OXR1: variants seen among roughly 807,000 people sequenced by gnomAD.
OXR1 encodes oxidation resistance 1, also known as oxidation resistance protein 1.
OXR1 carries 41 observed loss-of-function variants against 104.6 expected under a neutral mutation model. The observed-to-expected ratio is 0.39, with a 90% CI of 0.31 to 0.51. OXR1 has a LOEUF of 0.51. OXR1 is among the 20% of genes least tolerant of loss of function. OXR1 has a pLI of 0.77. For missense variants in OXR1, 955 were observed against 1,031.9 expected, an observed-to-expected ratio of 0.93 and a Z score of 1.02; for synonymous variants, 348 against 348.4, an observed-to-expected ratio of 1.00 and a Z score of 0.01.
intron 1 of OXR1, among the ~76,000 whole-genome samples, chr8:106,318,530 C>G (rs1311467592): frequency 6.6e-6 from 1 of 152,212 alleles, no homozygotes; most frequent in African/African-American, 2.4e-5. Flanking sequence ...TCTGCCTTGC[C>G]TCAAATGTTA....
At chr8:106,590,890 C>T (rs1819028470) in intron 3 of OXR1, among the ~76,000 whole-genome samples, 1 of 152,076 alleles carries the variant, frequency 6.6e-6, no homozygotes, top group South Asian at 2.1e-4. Flanking sequence ...CCAGGTGTGC[C>T]CATCTCCTTG....
At chr8:106,297,741 T>G (rs567679702) in intron 1 of OXR1, among the ~76,000 whole-genome samples, 1 of 152,354 alleles carries the variant, frequency 6.6e-6, no homozygotes, top group South Asian at 2.1e-4. Flanking sequence ...AAATAGTTTC[T>G]TATTTCTACC....
chr8:106,331,845 C>T (rs1260276901), intron 1 of OXR1, among the ~76,000 whole-genome samples: 4 of 151,544 alleles, frequency 2.6e-5, no homozygotes, highest in Non-Finnish European at 4.4e-5. Flanking sequence ...GAGGCTGAGG[C>T]GTGAGAATGA....
intron 2 of OXR1, among the ~76,000 whole-genome samples, chr8:106,437,893 A>G (rs984421726): frequency 1.3e-5 from 2 of 152,120 alleles, no homozygotes; most frequent in Non-Finnish European, 2.9e-5. Context: ...CCTAAAATGC[A>G]TTGTCTAATA....
At chr8:106,617,034 A>G (rs1044819056) in intron 3 of OXR1, among the ~76,000 whole-genome samples, 4 of 152,168 alleles carry the variant, frequency 2.6e-5, no homozygotes, top group Admixed American at 6.5e-5. Context: ...TTCCACCACA[A>G]TCCTCTCCAG....
chr8:106,658,322 G>GCCACCCCGGCCAC, intron 3 of OXR1: 1 of 1,063,526 alleles, frequency 9.4e-7, no homozygotes, highest in Non-Finnish European at 1.2e-6. Context: ...CAACGTGGCC[G>GCCACCCCGGCCAC]GGGTGGCGGC....
chr8:106,688,030 G>A (rs1450699610), intron 6 of OXR1, among the ~76,000 whole-genome samples: 1 of 152,042 alleles, frequency 6.6e-6, no homozygotes, highest in Non-Finnish European at 1.5e-5. Context: ...CTACCATTTC[G>A]CACTATCATC....
chr8:106,380,489 A>G (rs1004693178), intron 2 of OXR1, among the ~76,000 whole-genome samples: 1 of 152,214 alleles, frequency 6.6e-6, no homozygotes, highest in Non-Finnish European at 1.5e-5. Context: ...ATACTTAGAA[A>G]TAGAATGATT....
chr8:106,751,018 C>A lies in OXR1; in HGVS notation c.*77C>A. On this transcript the variant is annotated 3_prime_UTR_variant, in exon 17 of 17. Transcript: ENST00000517566. ...AGCATTGTTTGGAAAGTTCAAGAAG[C>A]AATACAGTGTAACATGTCACTTGTG... is the stretch of plus-strand genomic sequence containing the variant. 1.9e-6 allele frequency: 2 copies of A among 1,061,316 alleles called. No homozygotes were observed. The highest frequency in any genetic ancestry group is 1.4e-6 in the Non-Finnish European group (1 of 723,430). 65.7% of individuals were successfully genotyped at this position (1,061,316 alleles called of 1,614,324 possible).
intron 3 of OXR1, among the ~76,000 whole-genome samples, chr8:106,600,731 A>G (rs545352243): frequency 2.6e-5 from 4 of 152,074 alleles, no homozygotes; most frequent in Non-Finnish European, 4.4e-5. Context: ...TTTTTCTTAT[A>G]TTATTCCAGG....
chr8:106,335,063 C>T (rs1248288701), intron 1 of OXR1, among the ~76,000 whole-genome samples: 2 of 151,988 alleles, frequency 1.3e-5, no homozygotes, highest in Non-Finnish European at 2.9e-5. Flanking sequence ...CACATCCTTA[C>T]TCCTTTAACC....
At chr8:106,385,992 C>T (rs1008911606) in intron 2 of OXR1, among the ~76,000 whole-genome samples, 1 of 152,102 alleles carries the variant, frequency 6.6e-6, no homozygotes, top group Non-Finnish European at 1.5e-5. Context: ...AAATGAGGTA[C>T]GGGCATGGCA....
At chr8:106,483,697 A>C (rs914705624) in intron 2 of OXR1, among the ~76,000 whole-genome samples, 1 of 152,102 alleles carries the variant, frequency 6.6e-6, no homozygotes, top group African/African-American at 2.4e-5. Context: ...GTCTTATGGT[A>C]ATTTGATTAT....
At chr8:106,406,188 C>G (rs1818229640) in intron 2 of OXR1, among the ~76,000 whole-genome samples, 1 of 152,136 alleles carries the variant, frequency 6.6e-6, no homozygotes, top group African/African-American at 2.4e-5. Flanking sequence ...ACCTGGAGCA[C>G]AGTCTGTACT....
intron 8 of OXR1, among the ~76,000 whole-genome samples, chr8:106,704,396 T>C (rs201590761): frequency 3.0e-4 from 8 of 26,884 alleles, no homozygotes; most frequent in Middle Eastern, 0.024. Flanking sequence ...TCTTCTTCTT[T>C]TTTTTTTTTT....
At chr8:106,672,255 A>G (rs912982376) in intron 3 of OXR1, among the ~76,000 whole-genome samples, 13 of 151,198 alleles carry the variant, frequency 8.6e-5, no homozygotes, top group Admixed American at 6.6e-4. Context: ...AAGTGAGTGG[A>G]TCGCTTGAGG....
chr8:106,369,598 T>G (rs184457580), intron 2 of OXR1, among the ~76,000 whole-genome samples: 1 of 152,336 alleles, frequency 6.6e-6, no homozygotes, highest in African/African-American at 2.4e-5. Flanking sequence ...GGGGTCCAGT[T>G]TCAGTTTTCT....
intron 2 of OXR1, among the ~76,000 whole-genome samples, chr8:106,426,782 A>G (rs2130550996): frequency 6.6e-6 from 1 of 152,294 alleles, no homozygotes; most frequent in East Asian, 1.9e-4. Flanking sequence ...TATGAACATT[A>G]TTTGCTAGGC....
intron 2 of OXR1, among the ~76,000 whole-genome samples, chr8:106,495,958 A>G (rs1055168236): frequency 2.0e-5 from 3 of 152,200 alleles, no homozygotes; most frequent in Non-Finnish European, 2.9e-5. Context: ...TTCACTGTAG[A>G]TTTATAGTTA....
Sources: gnomAD v4.1 joint callset for allele counts (sites outside exome capture counted in the v4.1 genomes callset) on GRCh38, gnomAD v4.1.1 for gene constraint, MANE v1.5 for transcripts, NCBI Gene and HGNC (gene_info 2026-07-23, HGNC 2026-07-21) for gene names.